Variants in CWH43 observed in about 807,000 individuals in gnomAD.
CWH43 encodes cell wall biogenesis 43 C-terminal homolog.
A neutral mutation model predicts 85.7 loss-of-function variants in CWH43; 91 were observed. That is an observed-to-expected ratio of 1.06 (90% CI 0.90 to 1.26). The LOEUF (loss-of-function observed/expected upper bound fraction) is 1.26. Ranked by LOEUF, CWH43 falls within the 50% of genes most tolerant of loss-of-function variation. The pLI is 0.00. For missense variants in CWH43, 869 were observed against 839.2 expected (o/e 1.04, Z -0.44); for synonymous variants, 323 against 293.6 (o/e 1.10, Z -1.02).
Position 49,038,615 on chromosome 4 carries a change from G to A in CWH43, c.1803+435G>A, listed in dbSNP as rs182697716. Among the ~76,000 whole-genome samples, 6 of 152,288 alleles carry A rather than the reference G, an allele frequency of 3.9e-5. No homozygotes were observed. The East Asian group carries it at 7.7e-4, about 20-fold the overall frequency. On this transcript the variant is annotated intron_variant, in intron 13 of 15. Coordinates refer to ENST00000226432, the MANE Select transcript of CWH43 (RefSeq NM_025087.3). The stretch of plus-strand genomic sequence containing the variant: ...TGCTTTGTATGGCATAGCCTTGTAA[G>A]TCATATACTGTTACTTCCACTGTCA...
chr4:49,007,367 A>T (rs1783193791), intron 8 of CWH43, 41 bp downstream of exon 8: 2 of 1,480,932 alleles, frequency 1.4e-6, no homozygotes, highest in East Asian at 5.0e-5. Flanking sequence ...TTAATTATAT[A>T]AAATTCTAAA....
At chr4:49,022,454 T>C (rs1467906835) in intron 9 of CWH43, among the ~76,000 whole-genome samples, 2 of 152,300 alleles carry the variant, frequency 1.3e-5, no homozygotes, top group East Asian at 1.9e-4. Flanking sequence ...AGTTTGCTAG[T>C]ATTATGTTGA....
At chr4:49,055,652 C>G (rs527498371) in intron 15 of CWH43, among the ~76,000 whole-genome samples, 1 of 151,150 alleles carries the variant, frequency 6.6e-6, no homozygotes, top group Non-Finnish European at 1.5e-5. Flanking sequence ...TGCAATGGCA[C>G]GATCTCAGCT....
intron 14 of CWH43, among the ~76,000 whole-genome samples, chr4:49,049,561 A>C (rs1172597202): frequency 6.6e-6 from 1 of 151,834 alleles, no homozygotes; most frequent in Non-Finnish European, 1.5e-5. Context: ...AGCAACAACA[A>C]CAACAAACTG....
chr4:48,994,317 C>A (rs1577653485), intron 4 of CWH43, among the ~76,000 whole-genome samples: 1 of 152,194 alleles, frequency 6.6e-6, no homozygotes, highest in Non-Finnish European at 1.5e-5. Context: ...AACACAAACA[C>A]TTTTTCTGCA....
intron 8 of CWH43, among the ~76,000 whole-genome samples, chr4:49,013,400 G>C (rs1783432458): frequency 6.6e-6 from 1 of 152,214 alleles, no homozygotes; most frequent in African/African-American, 2.4e-5. Context: ...AGTCTGTCAT[G>C]GCTTGCCTTG....
chr4:49,043,340 A>C (rs1211015541), intron 13 of CWH43, among the ~76,000 whole-genome samples: 1 of 152,218 alleles, frequency 6.6e-6, no homozygotes, highest in Non-Finnish European at 1.5e-5. Flanking sequence ...GAAATTTGGC[A>C]AGTCTATGTA....
intron 8 of CWH43, among the ~76,000 whole-genome samples, chr4:49,008,514 G>A (rs185174325): frequency 1.7e-3 from 259 of 152,020 alleles, no homozygotes; most frequent in East Asian, 7.7e-3. Context: ...CTTTTGTTGC[G>A]TTGCTTTTGG....
At chr4:49,056,348 T>A (rs1311116800) in intron 15 of CWH43, among the ~76,000 whole-genome samples, 1 of 152,136 alleles carries the variant, frequency 6.6e-6, no homozygotes, top group African/African-American at 2.4e-5. Context: ...AATTTTCTTA[T>A]GCATTATTGA....
chr4:49,026,807 G>C (rs1479083575), intron 9 of CWH43, among the ~76,000 whole-genome samples: 2 of 152,148 alleles, frequency 1.3e-5, no homozygotes. Flanking sequence ...ACTTAAGTTG[G>C]TTCCATATCT....
At chr4:49,019,055 C>T (rs1783652767) in intron 9 of CWH43, among the ~76,000 whole-genome samples, 1 of 152,150 alleles carries the variant, frequency 6.6e-6, no homozygotes, top group Non-Finnish European at 1.5e-5. Context: ...GTCATTTGCT[C>T]ATTCATTCAT....
At chr4:49,007,829 C>A (rs2109767933) in intron 8 of CWH43, among the ~76,000 whole-genome samples, 1 of 152,316 alleles carries the variant, frequency 6.6e-6, no homozygotes, top group Admixed American at 6.5e-5. Flanking sequence ...GCCTAGTATT[C>A]CATGGTGTAT....
At chr4:49,003,500 G>T in intron 6 of CWH43, 1 of 470,912 alleles carries the variant, frequency 2.1e-6, no homozygotes, top group Non-Finnish European at 3.7e-6. Flanking sequence ...CCCTTTCTGA[G>T]GAAATAGCAG....
intron 8 of CWH43, among the ~76,000 whole-genome samples, chr4:49,010,670 A>C (rs1783328249): frequency 2.0e-5 from 3 of 151,992 alleles, no homozygotes; most frequent in African/African-American, 7.2e-5. Context: ...ATTCTTGTAC[A>C]TTGTGTCTTT....
intron 9 of CWH43, among the ~76,000 whole-genome samples, chr4:49,019,796 T>C (rs976188459): frequency 2.8e-4 from 42 of 152,022 alleles, no homozygotes; most frequent in African/African-American, 1.0e-3. Flanking sequence ...GGCAGGCTGG[T>C]CTCAAACTCC....
intron 8 of CWH43, among the ~76,000 whole-genome samples, chr4:49,010,565 G>A (rs1296711738): frequency 1.3e-5 from 2 of 152,122 alleles, no homozygotes; most frequent in African/African-American, 4.8e-5. Flanking sequence ...TAATTGTGAT[G>A]TTAGGGTGTC....
intron 13 of CWH43, among the ~76,000 whole-genome samples, chr4:49,044,459 A>G (rs1041935806): frequency 5.0e-4 from 76 of 152,196 alleles, no homozygotes; most frequent in Admixed American, 4.9e-3. Flanking sequence ...AGGTGCAGTC[A>G]GTGCTGCTGG....
Position 49,050,796 on chromosome 4 carries a change from G to A in CWH43, c.1968G>A (p.Gln656=). 6.2e-7 allele frequency: 1 copy of A among 1,612,588 alleles called. No individual in the cohort carries two copies. The highest frequency in any genetic ancestry group is 8.5e-7 in the Non-Finnish European group (1 of 1,178,858). ...PDDPTNYRDN[Q]KVVIDHREVS... ...ACCCCACTAATTATAGAGACAACCAGAAAGTGGTCATAGACCACAGAGAAG... is the reference window on the plus strand; with the variant it reads ...ACCCCACTAATTATAGAGACAACCAAAAAGTGGTCATAGACCACAGAGAAG... The change falls in exon 15 of 16, where the codon CAG becomes CAA. Residue 656 remains glutamine, a synonymous_variant. Coordinates refer to ENST00000226432, the MANE Select transcript of CWH43 (RefSeq NM_025087.3).
intron 15 of CWH43, among the ~76,000 whole-genome samples, chr4:49,051,121 C>G (rs1784783127): frequency 6.6e-6 from 1 of 152,184 alleles, no homozygotes; most frequent in Admixed American, 6.5e-5. Context: ...ATCATCATCA[C>G]TGTCACCTCC....
Sources: allele counts gnomAD v4.1 joint callset (sites outside exome capture counted in the v4.1 genomes callset), GRCh38; gene constraint gnomAD v4.1.1; transcripts MANE v1.5; gene names NCBI Gene and HGNC (gene_info 2026-07-23, HGNC 2026-07-21).